The following GPR160 variants were observed in gnomAD, a reference collection of about 807,000 sequenced individuals.
GPR160 encodes the protein G protein-coupled receptor 160, also known as probable G protein-coupled receptor 160.
Under a neutral mutation model 2.6 loss-of-function variants are expected in GPR160, and 2 were observed. The ratio of observed to expected loss-of-function variants is 0.77; its 90% CI spans 0.32 to 2.44. The LOEUF is 2.44. GPR160 is among the 30% of genes most tolerant of loss of function. The pLI, the probability that GPR160 is intolerant of heterozygous loss-of-function variation, is 0.11. For missense variants in GPR160, 351 were observed against 383.6 expected (o/e 0.91, Z 0.71); for synonymous variants, 130 against 132.2 (o/e 0.98, Z 0.12).
At chr3:170,067,119 C>G (rs903406583) in intron 2 of GPR160, among the ~76,000 whole-genome samples, 1 of 152,232 alleles carries the variant, frequency 6.6e-6, no homozygotes, top group Non-Finnish European at 1.5e-5. Context: ...GTCCTCCCGC[C>G]TCAACCTCCC....
chr3:170,038,473 C>T lies in GPR160; in HGVS notation c.-322+258C>T, dbSNP rs1250056304. 1 of 152,408 alleles carries T rather than the reference C, an allele frequency of 6.6e-6. No homozygotes were observed. Among genetic ancestry groups the T allele is most frequent in the Non-Finnish European group, 1.5e-5 (1 of 68,232 alleles). 9.4% of individuals were successfully genotyped at this position (152,408 alleles called of 1,614,324 possible). On this transcript the variant is annotated intron_variant, in intron 1 of 3. Coordinates refer to ENST00000355897, the MANE Select transcript of GPR160 (RefSeq NM_014373.3). The surrounding 1 kb of genome is among the most constrained non-coding windows in gnomAD (Gnocchi z 5.3). Reference sequence around the variant, plus strand: ...ACCGCGGAGCCTTAGCAACTGGGGTCTGTCGTGGGTTTGAGGGCAGGGGGT... The same window carrying T: ...ACCGCGGAGCCTTAGCAACTGGGGTTTGTCGTGGGTTTGAGGGCAGGGGGT...
intron 2 of GPR160, among the ~76,000 whole-genome samples, chr3:170,040,210 G>C (rs1446959347): frequency 1.3e-5 from 2 of 152,194 alleles, no homozygotes; most frequent in African/African-American, 2.4e-5. Flanking sequence ...AATAGTTGAA[G>C]CTGGATGATG....
chr3:170,052,364 C>T (rs1175069884), intron 2 of GPR160, among the ~76,000 whole-genome samples: 1 of 152,174 alleles, frequency 6.6e-6, no homozygotes, highest in African/African-American at 2.4e-5. Flanking sequence ...TAGGAGTTCT[C>T]GTTACTCTAC....
In GPR160 at chr3:170,084,338, G is replaced by C. The variant is rs1380821051; in HGVS notation, c.366G>C (p.Leu122=). 1 of 1,608,718 alleles carries C rather than the reference G, an allele frequency of 6.2e-7. No homozygotes were observed. Among genetic ancestry groups the C allele is most frequent in the African/African-American group, 1.3e-5 (1 of 74,622 alleles). The change falls in exon 4 of 4, where the codon CTG becomes CTC. Residue 122 remains leucine, a synonymous_variant. Transcript: ENST00000355897. ...TGACAGCTTGTATAGATTATTGCCT[G>C]AATTTCTCTAAAACAACCAAGCTTT... The part of the protein sequence containing the change: ...VFLTACIDYC[L]NFSKTTKLSF...
At chr3:170,043,429 C>T (rs1478451586) in intron 2 of GPR160, among the ~76,000 whole-genome samples, 1 of 152,134 alleles carries the variant, frequency 6.6e-6, no homozygotes, top group Non-Finnish European at 1.5e-5. Flanking sequence ...GTGATCCACC[C>T]TCCTCGGCCT....
chr3:170,043,674 A>G (rs1215085347), intron 2 of GPR160, among the ~76,000 whole-genome samples: 1 of 152,190 alleles, frequency 6.6e-6, no homozygotes, highest in Non-Finnish European at 1.5e-5. Flanking sequence ...GAAGCAGAGC[A>G]ATACGCCCAA....
At chr3:170,039,268 G>A in intron 2 of GPR160, among the ~76,000 whole-genome samples, 1 of 152,306 alleles carries the variant, frequency 6.6e-6, no homozygotes, top group East Asian at 1.9e-4. Flanking sequence ...ATAGTTATTT[G>A]GAAATTGTCA....
intron 2 of GPR160, among the ~76,000 whole-genome samples, chr3:170,047,040 G>A (rs1204635968): frequency 6.6e-6 from 1 of 152,178 alleles, no homozygotes; most frequent in African/African-American, 2.4e-5. Flanking sequence ...AAGCAGCAGG[G>A]CAGAGGTCTC....
chr3:170,052,970 C>G (rs557490677), intron 2 of GPR160, among the ~76,000 whole-genome samples: 1 of 152,118 alleles, frequency 6.6e-6, no homozygotes, highest in Admixed American at 6.5e-5. Flanking sequence ...AAAAGACTTT[C>G]CTTTCCTCCA....
chr3:170,064,007 G>C (rs1432446238), intron 2 of GPR160, among the ~76,000 whole-genome samples: 3 of 152,052 alleles, frequency 2.0e-5, no homozygotes. Context: ...GTAGAAATGT[G>C]AACGCTGAAT....
At chr3:170,043,039 G>A (rs982869453) in intron 2 of GPR160, among the ~76,000 whole-genome samples, 79 of 151,454 alleles carry the variant, frequency 5.2e-4, no homozygotes, top group African/African-American at 1.6e-3. Flanking sequence ...CCACCACCAC[G>A]CCCAGCTAAT....
At chr3:170,060,553 A>G (rs1372029654) in intron 2 of GPR160, among the ~76,000 whole-genome samples, 1 of 152,122 alleles carries the variant, frequency 6.6e-6, no homozygotes, top group South Asian at 2.1e-4. Context: ...GCTTGAGGCT[A>G]GGAGTTCAAG....
chr3:170,058,900 TAAC>T (rs1711785662), intron 2 of GPR160, among the ~76,000 whole-genome samples: 1 of 152,196 alleles, frequency 6.6e-6, no homozygotes, highest in South Asian at 2.1e-4. Flanking sequence ...AGATAGCTAT[TAAC>T]AAAGATGAAA....
intron 2 of GPR160, among the ~76,000 whole-genome samples, chr3:170,048,153 C>A (rs1304405754): frequency 6.6e-6 from 1 of 152,206 alleles, no homozygotes; most frequent in African/African-American, 2.4e-5. Flanking sequence ...AGTGAAGTAA[C>A]TCAGGAATCG....
intron 2 of GPR160, among the ~76,000 whole-genome samples, chr3:170,050,740 A>G (rs1443053202): frequency 1.3e-5 from 2 of 152,192 alleles, no homozygotes; most frequent in East Asian, 3.8e-4. Flanking sequence ...CTCACTTAGC[A>G]CAACATTTTT....
intron 2 of GPR160, among the ~76,000 whole-genome samples, chr3:170,071,847 G>T (rs6779244): frequency 0.37 from 56,453 of 151,860 alleles, 11,446 homozygotes; most frequent in East Asian, 0.69. Flanking sequence ...AGGTATTTCT[G>T]TATAGCAACA....
chr3:170,067,608 A>G (rs1045507751), intron 2 of GPR160, among the ~76,000 whole-genome samples: 3 of 152,226 alleles, frequency 2.0e-5, no homozygotes, highest in East Asian at 3.9e-4. Flanking sequence ...CTTTGCTCCA[A>G]TAGGCCCCTT....
intron 2 of GPR160, chr3:170,062,550 A>G (rs1712021627): frequency 4.2e-6 from 3 of 722,764 alleles, no homozygotes; most frequent in African/African-American, 1.8e-5. Flanking sequence ...CAGAAGATCA[A>G]AGACGCCAGG....
At chr3:170,049,697 G>T (rs982917455) in intron 2 of GPR160, among the ~76,000 whole-genome samples, 8 of 152,340 alleles carry the variant, frequency 5.3e-5, no homozygotes, top group African/African-American at 1.7e-4. Flanking sequence ...TGGGGGAATG[G>T]AAAGGAAGTG....
Sources: allele counts gnomAD v4.1 joint callset (sites outside exome capture counted in the v4.1 genomes callset), GRCh38; gene constraint gnomAD v4.1.1; non-coding constraint Gnocchi (gnomAD v3.1); transcripts MANE v1.5; gene names NCBI Gene and HGNC (gene_info 2026-07-23, HGNC 2026-07-21).